The following RUNDC3B variants were observed in gnomAD, a reference collection of about 807,000 sequenced individuals.
RUNDC3B encodes RUN domain-containing protein 3B.
RUNDC3B carries 33 observed loss-of-function variants against 58.4 expected under a neutral mutation model. The observed-to-expected ratio is 0.56, with a 90% CI of 0.43 to 0.75. RUNDC3B has a LOEUF of 0.75. RUNDC3B is among the 30% of genes least tolerant of loss of function. RUNDC3B has a pLI of 0.00. For missense variants in RUNDC3B, 501 were observed against 535.7 expected, an observed-to-expected ratio of 0.94 and a Z score of 0.64; for synonymous variants, 193 against 195.2, an observed-to-expected ratio of 0.99 and a Z score of 0.10.
At chr7:87,680,970 A>G (rs1171223894) in intron 2 of RUNDC3B, among the ~76,000 whole-genome samples, 1 of 150,566 alleles carries the variant, frequency 6.6e-6, no homozygotes, top group African/African-American at 2.5e-5. Flanking sequence ...AATAAAATTC[A>G]TAAACTTCTG....
intron 8 of RUNDC3B, among the ~76,000 whole-genome samples, chr7:87,793,396 C>T (rs553822375): frequency 6.6e-6 from 1 of 152,238 alleles, no homozygotes; most frequent in Admixed American, 6.5e-5. Flanking sequence ...AGGCCAATGT[C>T]TCTGAAGAAC....
At chr7:87,732,485 G>A (rs1831642202) in intron 4 of RUNDC3B, among the ~76,000 whole-genome samples, 1 of 152,150 alleles carries the variant, frequency 6.6e-6, no homozygotes, top group African/African-American at 2.4e-5. Context: ...ACGGCACTTG[G>A]AGTGCACTGA....
At chr7:87,685,098 C>T (rs1206746310) in intron 2 of RUNDC3B, among the ~76,000 whole-genome samples, 2 of 152,020 alleles carry the variant, frequency 1.3e-5, no homozygotes, top group Non-Finnish European at 2.9e-5. Context: ...AAGTGGACTT[C>T]ATCAAAATTA....
At chr7:87,687,988 A>G (rs1264913014) in intron 2 of RUNDC3B, among the ~76,000 whole-genome samples, 1 of 152,158 alleles carries the variant, frequency 6.6e-6, no homozygotes, top group African/African-American at 2.4e-5. Flanking sequence ...TTGTTTCTGT[A>G]GTAACATATG....
chr7:87,699,136 G>A (rs1828778092), intron 2 of RUNDC3B, among the ~76,000 whole-genome samples: 2 of 152,078 alleles, frequency 1.3e-5, no homozygotes, highest in Admixed American at 6.5e-5. Flanking sequence ...TCCTAAAATG[G>A]TGCTTGCTGA....
chr7:87,655,979 A>G (rs1824061392), intron 2 of RUNDC3B, among the ~76,000 whole-genome samples: 1 of 152,110 alleles, frequency 6.6e-6, no homozygotes, highest in South Asian at 2.1e-4. Flanking sequence ...GTAGTGTTCA[A>G]GGTACCACCT....
chr7:87,637,368 G>A (rs953493574), intron 1 of RUNDC3B, among the ~76,000 whole-genome samples: 1 of 152,062 alleles, frequency 6.6e-6, no homozygotes, highest in African/African-American at 2.4e-5. Context: ...AAGTTATCTA[G>A]CTTTATTTTT....
chr7:87,684,736 G>C (rs1005417899), intron 2 of RUNDC3B, among the ~76,000 whole-genome samples: 3 of 101,148 alleles, frequency 3.0e-5, no homozygotes, highest in African/African-American at 3.9e-5. Context: ...GACAGAGTGA[G>C]ACTCCGTCTC....
intron 1 of RUNDC3B, among the ~76,000 whole-genome samples, chr7:87,649,993 T>C (rs1409731671): frequency 6.6e-6 from 1 of 152,192 alleles, no homozygotes; most frequent in Non-Finnish European, 1.5e-5. Context: ...TAAATCTCTT[T>C]CCTTTATAAA....
chr7:87,721,787 CTCTCTG>C (rs930646975), intron 4 of RUNDC3B, among the ~76,000 whole-genome samples: 45 of 151,824 alleles, frequency 3.0e-4, no homozygotes, highest in Admixed American at 1.4e-3. Flanking sequence ...CTCTCTCTCT[CTCTCTG>C]TCTCTGTCTC....
intron 2 of RUNDC3B, among the ~76,000 whole-genome samples, chr7:87,686,894 C>T (rs1402809137): frequency 2.0e-5 from 3 of 149,076 alleles, no homozygotes; most frequent in African/African-American, 7.4e-5. Flanking sequence ...TGCAGTGAGC[C>T]ATGATTGTGC....
chr7:87,822,079 GA>G (rs1837488449), intron 10 of RUNDC3B, among the ~76,000 whole-genome samples: 1 of 152,050 alleles, frequency 6.6e-6, no homozygotes. Flanking sequence ...CACAGCAAAA[GA>G]AACTACCATC....
chr7:87,810,994 C>G (rs1307827054), intron 9 of RUNDC3B, among the ~76,000 whole-genome samples: 1 of 152,100 alleles, frequency 6.6e-6, no homozygotes, highest in East Asian at 1.9e-4. Flanking sequence ...GTGTATAAAA[C>G]ATGTTCCTTT....
intron 4 of RUNDC3B, among the ~76,000 whole-genome samples, chr7:87,737,921 T>C (rs1202613896): frequency 6.6e-6 from 1 of 152,130 alleles, no homozygotes; most frequent in African/African-American, 2.4e-5. Flanking sequence ...AAAAGACCTT[T>C]AGTTTTTAAA....
intron 10 of RUNDC3B, among the ~76,000 whole-genome samples, chr7:87,824,576 A>G (rs1027103360): frequency 2.6e-5 from 4 of 152,238 alleles, no homozygotes; most frequent in African/African-American, 9.6e-5. Context: ...AAGATACCCA[A>G]ACATGTGGAA....
In RUNDC3B at chr7:87,812,154, G is replaced by A. The variant is rs1563225535; in HGVS notation, c.1104-3987G>A. On this transcript the variant is annotated intron_variant, in intron 9 of 10. Coordinates refer to ENST00000394654, the MANE Select transcript of RUNDC3B (RefSeq NM_001134405.2). Reference sequence around the variant, plus strand: ...GATTGTAGAAAATTAACAAATTCAGGATTATTTCTGAATTTCCTTTTGATT... The same window carrying A: ...GATTGTAGAAAATTAACAAATTCAGAATTATTTCTGAATTTCCTTTTGATT... Among the ~76,000 whole-genome samples, 11 of 152,010 alleles carry A rather than the reference G, an allele frequency of 7.2e-5. No individual in the cohort carries two copies. The South Asian group carries it at 2.3e-3, about 32-fold the overall frequency.
chr7:87,664,558 G>T (rs1269850738), intron 2 of RUNDC3B, among the ~76,000 whole-genome samples: 1 of 151,954 alleles, frequency 6.6e-6, no homozygotes, highest in Non-Finnish European at 1.5e-5. Flanking sequence ...TCTGAGTAGA[G>T]AAATAAAATC....
intron 4 of RUNDC3B, among the ~76,000 whole-genome samples, chr7:87,734,355 C>T (rs2130799641): frequency 6.6e-6 from 1 of 152,272 alleles, no homozygotes; most frequent in Non-Finnish European, 1.5e-5. Flanking sequence ...TAGTACTGAT[C>T]CATGCTGCCA....
chr7:87,742,400 T>G (rs1197405151), intron 6 of RUNDC3B, among the ~76,000 whole-genome samples: 2 of 152,160 alleles, frequency 1.3e-5, no homozygotes, highest in Admixed American at 6.5e-5. Context: ...AATATCATTC[T>G]TATGCCTTTG....
Sources: gnomAD v4.1 joint callset for allele counts (sites outside exome capture counted in the v4.1 genomes callset) on GRCh38, gnomAD v4.1.1 for gene constraint, MANE v1.5 for transcripts, NCBI Gene and HGNC (gene_info 2026-07-23, HGNC 2026-07-21) for gene names.